The following UGT8 variants were observed in gnomAD, a reference collection of about 807,000 sequenced individuals.
UGT8 encodes the protein 2-hydroxyacylsphingosine 1-beta-galactosyltransferase.
In UGT8, 12 loss-of-function variants were observed where a neutral mutation model predicts 40.5. The observed-to-expected ratio is 0.30, with a 90% CI of 0.19 to 0.48. The LOEUF (loss-of-function observed/expected upper bound fraction) is 0.48. Ranked by LOEUF, UGT8 falls within the 20% of genes least tolerant of loss-of-function variation. The pLI, the probability that UGT8 is intolerant of heterozygous loss-of-function variation, is 0.99. For synonymous variants in UGT8, 224 were observed against 240.4 expected (o/e 0.93, Z 0.63); for missense variants, 513 against 648.7 (o/e 0.79, Z 2.27).
chr4:114,649,033 G>GA (rs1733742686), intron 2 of UGT8, among the ~76,000 whole-genome samples: 1 of 152,084 alleles, frequency 6.6e-6, no homozygotes, highest in Non-Finnish European at 1.5e-5. Context: ...TCTTCAGCTG[G>GA]AAAATAAATT....
intron 1 of UGT8, among the ~76,000 whole-genome samples, chr4:114,615,102 C>T (rs1486369490): frequency 1.3e-5 from 2 of 152,054 alleles, no homozygotes; most frequent in African/African-American, 4.8e-5. Context: ...TAGTTTTTCC[C>T]AGTTTGTCCA....
chr4:114,633,619 G>A (rs1278521216), intron 2 of UGT8, among the ~76,000 whole-genome samples: 1 of 152,126 alleles, frequency 6.6e-6, no homozygotes, highest in Non-Finnish European at 1.5e-5. Flanking sequence ...GGCTTTAGAT[G>A]GGCTTTAACA....
intron 2 of UGT8, among the ~76,000 whole-genome samples, chr4:114,660,612 G>C (rs545874508): frequency 1.3e-5 from 2 of 151,954 alleles, no homozygotes; most frequent in South Asian, 4.2e-4. Context: ...TAACTTTTAG[G>C]CTGGGCGTGG....
intron 5 of UGT8, among the ~76,000 whole-genome samples, chr4:114,672,184 G>C (rs1416898080): frequency 1.3e-5 from 2 of 152,200 alleles, no homozygotes; most frequent in Non-Finnish European, 2.9e-5. Flanking sequence ...GTGCTGGTGA[G>C]GCTGTGGAGA....
chr4:114,622,838 A>G, intron 1 of UGT8, 41 bp from the exon 2 acceptor site: 1 of 1,526,464 alleles, frequency 6.6e-7, no homozygotes, highest in Non-Finnish European at 8.9e-7. Context: ...AATGGTGAGC[A>G]TTGTATTTTG....
chr4:114,668,098 T>A lies in UGT8; in HGVS notation c.1056T>A (p.Ile352=). 1.2e-6 allele frequency: 2 copies of A among 1,613,588 alleles called. No individual in the cohort carries two copies. The highest frequency in any genetic ancestry group is 2.2e-5 in the South Asian group (2 of 91,052). ...ATCTTTCTTCAGGGCATTCAAAGATTAAAGCCTTCCTGAGCCATGGTGGTT... is the reference window on the plus strand; with the variant it reads ...ATCTTTCTTCAGGGCATTCAAAGATAAAAGCCTTCCTGAGCCATGGTGGTT... ...PQNDLLGHSK[I]KAFLSHGGLN... The change falls in exon 5 of 6, where the codon ATT becomes ATA. Residue 352 remains isoleucine (I), a synonymous_variant. Coordinates refer to ENST00000310836, the MANE Select transcript of UGT8 (RefSeq NM_001128174.3).
At chr4:114,635,286 G>A (rs1488125907) in intron 2 of UGT8, among the ~76,000 whole-genome samples, 1 of 151,894 alleles carries the variant, frequency 6.6e-6, no homozygotes, top group Non-Finnish European at 1.5e-5. Context: ...CGGAGGCAGA[G>A]GTTGCAGTGA....
chr4:114,673,373 AT>A (rs1735422172), intron 5 of UGT8, among the ~76,000 whole-genome samples: 1 of 152,208 alleles, frequency 6.6e-6, no homozygotes. Flanking sequence ...TCTGAACAGA[AT>A]AGTCATACAA....
At chr4:114,662,739 G>A (rs1476580823) in intron 2 of UGT8, among the ~76,000 whole-genome samples, 1 of 150,902 alleles carries the variant, frequency 6.6e-6, no homozygotes, top group Non-Finnish European at 1.5e-5. Context: ...AGGGAAAAAG[G>A]GAAAGGAAGG....
In UGT8 at chr4:114,676,596, C is replaced by T. The variant is rs774238564; in HGVS notation, c.*308C>T. On this transcript the variant is annotated 3_prime_UTR_variant, in exon 6 of 6. Coordinates refer to ENST00000310836, the MANE Select transcript of UGT8 (RefSeq NM_001128174.3). ...TTTAAATCTTGATATGTGCGTGTCC[C>T]GGATCAGGAATGGTTTCATTTTTCT... The T allele has an allele frequency of 2.4e-5, 6 of 247,070 alleles. No homozygotes were observed. The highest frequency in any genetic ancestry group is 3.9e-5 in the Non-Finnish European group (5 of 128,796). 15.3% of individuals were successfully genotyped at this position (247,070 alleles called of 1,614,324 possible). A position where few individuals can be genotyped will look rare whatever the true frequency, so the allele number is the denominator to read the frequency against.
Position 114,665,383 on chromosome 4 carries a change from GTTGT to G in UGT8, c.966-278_966-275del, listed in dbSNP as rs745960770. ...ACTTCTAGTGTAGGTTTATTTGTTT[GTTGT>G]TTGTTTGTTTGTTTGTTTTTCCCAT... is the stretch of plus-strand genomic sequence containing the variant. On this transcript the variant is annotated intron_variant, in intron 3 of 5. Coordinates refer to ENST00000310836, the MANE Select transcript of UGT8 (RefSeq NM_001128174.3). 90 of 984,474 alleles carry G rather than the reference GTTGT, an allele frequency of 9.1e-5. No homozygotes were observed. In the East Asian group the frequency reaches 1.7e-3, roughly 19 times the overall value. The allele number at this position is 984,474 out of a possible 1,614,324, so 61.0% of individuals were successfully genotyped here.
chr4:114,629,909 TAGGTATTA>T (rs879759981), intron 2 of UGT8, among the ~76,000 whole-genome samples: 17 of 152,358 alleles, frequency 1.1e-4, no homozygotes, highest in Non-Finnish European at 2.1e-4. Context: ...ATTGTTCATT[TAGGTATTA>T]AGTCAAATAC....
intron 1 of UGT8, among the ~76,000 whole-genome samples, chr4:114,602,492 T>A (rs1730499656): frequency 6.6e-6 from 1 of 152,228 alleles, no homozygotes; most frequent in South Asian, 2.1e-4. Flanking sequence ...ACAGTGGTAA[T>A]CATATCTCCT....
upstream of UGT8, chr4:114,598,806 C>G (rs900448162): frequency 4.6e-5 from 7 of 152,226 alleles, no homozygotes; most frequent in Non-Finnish European, 8.8e-5. Flanking sequence ...ACTGTGAACC[C>G]AGAGAGCCCT....
chr4:114,611,482 C>T (rs1170164609), intron 1 of UGT8, among the ~76,000 whole-genome samples: 1 of 106,798 alleles, frequency 9.4e-6, no homozygotes, highest in Non-Finnish European at 1.8e-5. Context: ...TATATAATAT[C>T]TATATTATAT....
chr4:114,599,568 C>G (rs1392161657), intron 1 of UGT8, among the ~76,000 whole-genome samples: 1 of 152,212 alleles, frequency 6.6e-6, no homozygotes, highest in Non-Finnish European at 1.5e-5. Context: ...TCCGCGTGCC[C>G]GCGCGACTCT....
At chr4:114,655,873 G>A (rs1041265023) in intron 2 of UGT8, among the ~76,000 whole-genome samples, 5 of 152,058 alleles carry the variant, frequency 3.3e-5, no homozygotes, top group Admixed American at 2.0e-4. Context: ...TATTTGCTAT[G>A]TCTTTAGGCT....
rs554206064 is a variant in UGT8 at position 114,619,105 on chromosome 4, G to A, written c.-2-3774G>A. On this transcript the variant is annotated intron_variant, in intron 1 of 5. Coordinates refer to ENST00000310836, the MANE Select transcript of UGT8 (RefSeq NM_001128174.3). ...TCTCTTCTTTTTATATTTTTCCAAT[G>A]AACATAGGTATAATTTTGATTAAAT... Among the ~76,000 whole-genome samples, 336 of 152,052 alleles carry A rather than the reference G, an allele frequency of 2.2e-3. 1 individual carries two copies. Among genetic ancestry groups the A allele is most frequent in the Middle Eastern group, 3.4e-3 (1 of 294 alleles).
intron 5 of UGT8, 44 bp downstream of exon 5, chr4:114,668,348 C>A: frequency 6.6e-7 from 1 of 1,522,976 alleles, no homozygotes; most frequent in Non-Finnish European, 9.1e-7. Context: ...TTACATACCA[C>A]AGTATATTGT....
Sources: allele counts gnomAD v4.1 joint callset (sites outside exome capture counted in the v4.1 genomes callset), GRCh38; gene constraint gnomAD v4.1.1; transcripts MANE v1.5; gene names NCBI Gene and HGNC (gene_info 2026-07-23, HGNC 2026-07-21).